MRPL42: variants seen among roughly 807,000 people sequenced by gnomAD.
The protein encoded by MRPL42 is large ribosomal subunit protein mL42.
In MRPL42, 17 loss-of-function variants were observed where a neutral mutation model predicts 17.9. The observed-to-expected ratio is 0.95, with a 90% confidence interval of 0.65 to 1.42. The LOEUF (loss-of-function observed/expected upper bound fraction) is 1.42, where lower values mean the gene tolerates loss of function less well. Among genes scored for constraint, MRPL42 ranks in the 40% most tolerant of loss-of-function variants. The probability of loss-of-function intolerance (pLI) is 0.00; values close to 1 mark genes in which losing one functional copy is unlikely to be tolerated. For missense variants in MRPL42, 177 were observed against 175.2 expected (o/e 1.01, Z -0.06); for synonymous variants, 59 against 54.4 (o/e 1.08, Z -0.37).
intron 4 of MRPL42, among the ~76,000 whole-genome samples, chr12:93,483,656 A>G (rs1001711345): frequency 6.6e-6 from 1 of 152,214 alleles, no homozygotes; most frequent in Non-Finnish European, 1.5e-5. Context: ...GTAAAGGCCT[A>G]GTACATTACT....
At chr12:93,469,717 A>G (rs1302435619) in intron 2 of MRPL42, among the ~76,000 whole-genome samples, 1 of 152,198 alleles carries the variant, frequency 6.6e-6, no homozygotes, top group Non-Finnish European at 1.5e-5. Context: ...ACTGACATGG[A>G]AAGATCTCCA....
At position 93,469,861 on chromosome 12, in the gene MRPL42, A is replaced by G. The variant is rs137877194; in HGVS notation, c.70+506A>G. On this transcript the variant is annotated intron_variant, in intron 2 of 5. Coordinates refer to ENST00000549982, the MANE Select transcript of MRPL42 (RefSeq NM_014050.4). ...AATGCAGAGGTAAAAGGTCTGGACC[A>G]AACAGTGGTTATCTGTGTAGCCCAC... is the stretch of plus-strand genomic sequence containing the variant. Among the ~76,000 whole-genome samples the G allele has an allele frequency of 5.3e-5, 8 of 152,348 alleles. 1 individual carries two copies. In the East Asian group the frequency reaches 1.3e-3, roughly 26 times the overall value.
At chr12:93,480,656 C>T (rs1220998065) in intron 4 of MRPL42, among the ~76,000 whole-genome samples, 3 of 151,770 alleles carry the variant, frequency 2.0e-5, no homozygotes, top group Middle Eastern at 3.4e-3. Flanking sequence ...ATTCTCCTGT[C>T]TCAGCCTCCC....
intron 5 of MRPL42, among the ~76,000 whole-genome samples, chr12:93,495,921 CTGAA>C: frequency 6.6e-6 from 1 of 152,164 alleles, no homozygotes; most frequent in Non-Finnish European, 1.5e-5. Flanking sequence ...CAAAGAGGAA[CTGAA>C]CACCTTAAAG....
chr12:93,497,160 T>TA (rs1370855600), intron 5 of MRPL42, among the ~76,000 whole-genome samples: 3 of 152,106 alleles, frequency 2.0e-5, no homozygotes, highest in Admixed American at 2.0e-4. Flanking sequence ...GTACCAATCC[T>TA]ACTGATACTA....
chr12:93,468,756 C>A (rs1879761092), intron 1 of MRPL42, among the ~76,000 whole-genome samples: 1 of 151,948 alleles, frequency 6.6e-6, no homozygotes, highest in African/African-American at 2.4e-5. Context: ...TGGCTCAGGG[C>A]AGACAACTAT....
intron 2 of MRPL42, among the ~76,000 whole-genome samples, chr12:93,473,720 T>A (rs1880019846): frequency 6.6e-6 from 1 of 151,954 alleles, no homozygotes; most frequent in Non-Finnish European, 1.5e-5. Flanking sequence ...CGTGAGCCAC[T>A]ACGCTTGGCC....
intron 5 of MRPL42, among the ~76,000 whole-genome samples, chr12:93,489,940 C>T (rs1953383001): frequency 6.6e-6 from 1 of 152,262 alleles, no homozygotes; most frequent in Non-Finnish European, 1.5e-5. Flanking sequence ...AGGAAACCAT[C>T]TCATAGCCCT....
intron 4 of MRPL42, among the ~76,000 whole-genome samples, chr12:93,483,110 G>A (rs1880544462): frequency 6.6e-6 from 1 of 152,076 alleles, no homozygotes; most frequent in Admixed American, 6.6e-5. Context: ...GGCCAGGCTG[G>A]TCTCTAACTC....
chr12:93,495,417 GGA>G (rs1447587175), intron 5 of MRPL42, among the ~76,000 whole-genome samples: 1 of 151,912 alleles, frequency 6.6e-6, no homozygotes, highest in Non-Finnish European at 1.5e-5. Context: ...TGTATTTTTT[GGA>G]GAGATAGGGT....
At chr12:93,479,089 A>G (rs1880330495) in intron 3 of MRPL42, among the ~76,000 whole-genome samples, 1 of 151,170 alleles carries the variant, frequency 6.6e-6, no homozygotes, top group Admixed American at 6.6e-5. Context: ...GTGCCACCAC[A>G]CCTGGCTAAT....
chr12:93,488,797 A>G (rs1156619735), intron 5 of MRPL42, among the ~76,000 whole-genome samples: 2 of 151,312 alleles, frequency 1.3e-5, no homozygotes, highest in African/African-American at 2.4e-5. Flanking sequence ...TTTTGTATCT[A>G]TCTTCTTCCA....
At chr12:93,476,883 C>T in intron 2 of MRPL42, 71 bp from the exon 3 acceptor site, 1 of 1,406,010 alleles carries the variant, frequency 7.1e-7, no homozygotes, top group East Asian at 2.3e-5. Context: ...ATGAGTAAAA[C>T]TAGCTTTAAA....
In MRPL42 at chr12:93,512,071, G is replaced by C. The variant is rs1953730528; in HGVS notation, c.*10850G>C. On this transcript the variant is annotated 3_prime_UTR_variant, in exon 6 of 6. Coordinates refer to ENST00000549982, the MANE Select transcript of MRPL42 (RefSeq NM_014050.4). ...CAACTGTGATTACATTTAGAGATAT[G>C]ATGATTATCTAGAGGGAAAGTTCTG... 2.0e-5 allele frequency: 3 copies of C among 152,204 alleles called. No individual in the cohort carries two copies. The highest frequency in any genetic ancestry group is 4.4e-5 in the Non-Finnish European group (3 of 68,034). 9.4% of individuals were successfully genotyped at this position (152,204 alleles called of 1,614,324 possible). A position where few individuals can be genotyped will look rare whatever the true frequency, so the allele number is the denominator to read the frequency against.
intron 3 of MRPL42, among the ~76,000 whole-genome samples, chr12:93,477,672 C>A (rs769436401): frequency 4.6e-5 from 7 of 152,066 alleles, no homozygotes; most frequent in Non-Finnish European, 1.0e-4. Flanking sequence ...TCTTGGCTCA[C>A]TGCAACCTGA....
At chr12:93,475,355 A>G (rs1419192131) in intron 2 of MRPL42, among the ~76,000 whole-genome samples, 2 of 151,870 alleles carry the variant, frequency 1.3e-5, no homozygotes, top group Admixed American at 6.5e-5. Context: ...ACCTCAAGTG[A>G]TCCACCTGCC....
Position 93,469,265 on chromosome 12 carries a change from T to C in MRPL42, c.-21T>C. 1 of 1,592,162 alleles carries C rather than the reference T, an allele frequency of 6.3e-7. No individual in the cohort carries two copies. The highest frequency in any genetic ancestry group is 8.5e-7 in the Non-Finnish European group (1 of 1,169,806). On this transcript the variant is annotated 5_prime_UTR_variant, in exon 2 of 6. Transcript: ENST00000549982. ...TCAGAACATCTTTTTTCATACCACT[T>C]GATAAGCATCTTGAAACACCATGGC...
At chr12:93,483,835 CTT>C (rs1316712077) in intron 4 of MRPL42, among the ~76,000 whole-genome samples, 1 of 152,164 alleles carries the variant, frequency 6.6e-6, no homozygotes, top group Admixed American at 6.5e-5. Flanking sequence ...TGTAATAACA[CTT>C]AGCTTAAAAT....
chr12:93,503,418 T>A lies in MRPL42; in HGVS notation c.*2197T>A, dbSNP rs1953624156. 6.6e-6 allele frequency: 1 copy of A among 151,900 alleles called. No homozygotes were observed. The allele number at this position is 151,900 out of a possible 1,614,324, so 9.4% of individuals were successfully genotyped here. A position where few individuals can be genotyped will look rare whatever the true frequency, so the allele number is the denominator to read the frequency against. ...TTTTTAAAGAAAAGGTCTTGCTGTG[T>A]CGCCCAGGATGGAGTGCAGTGGCAC... On this transcript the variant is annotated 3_prime_UTR_variant, in exon 6 of 6. Coordinates refer to ENST00000549982, the MANE Select transcript of MRPL42 (RefSeq NM_014050.4).
Sources: allele counts gnomAD v4.1 joint callset (sites outside exome capture counted in the v4.1 genomes callset), GRCh38; gene constraint gnomAD v4.1.1; transcripts MANE v1.5; gene names NCBI Gene and HGNC (gene_info 2026-07-23, HGNC 2026-07-21).